Variants in GALNT1 observed in about 807,000 individuals in gnomAD.
GALNT1 encodes polypeptide N-acetylgalactosaminyltransferase 1.
In GALNT1, 17 loss-of-function variants were observed where a neutral mutation model predicts 65.7. The observed-to-expected ratio is 0.26, with a 90% CI of 0.18 to 0.39. The LOEUF (loss-of-function observed/expected upper bound fraction) is 0.39. Among genes scored for constraint, GALNT1 ranks in the 10% least tolerant of loss-of-function variants. The probability of loss-of-function intolerance (pLI) is 1.00; values close to 1 mark genes in which losing one functional copy is unlikely to be tolerated. For synonymous variants in GALNT1, 210 were observed against 219.7 expected, an observed-to-expected ratio of 0.96 and a Z score of 0.39; for missense variants, 460 against 672.8, an observed-to-expected ratio of 0.68 and a Z score of 3.50.
chr18:35,641,281 C>CA (rs1345313301), intron 1 of GALNT1, among the ~76,000 whole-genome samples: 7 of 151,432 alleles, frequency 4.6e-5, no homozygotes, highest in South Asian at 2.1e-4. Flanking sequence ...CCTCTCTTTG[C>CA]AAAAAAAATA....
At position 35,654,674 on chromosome 18, in the gene GALNT1, T is replaced by G. The variant is rs766763738; in HGVS notation, c.12T>G (p.Phe4Leu). The G allele has an allele frequency of 1.5e-5, 21 of 1,427,950 alleles. No individual in the cohort carries two copies. The highest frequency in any genetic ancestry group is 1.8e-5 in the Non-Finnish European group (20 of 1,085,410). 88.5% of individuals were successfully genotyped at this position (1,427,950 alleles called of 1,614,324 possible). The change falls in exon 2 of 12, where the codon TTT (phenylalanine) becomes TTG (leucine). Residue 4 changes from phenylalanine (F) to leucine (L), a missense_variant. Transcript: ENST00000269195. The stretch of plus-strand genomic sequence containing the variant: ...TGACTTAAAGTGCCATGAGAAAATT[T>G]GCATACTGCAAGGTGGTCCTAGCCA... Reference protein sequence around the residue: MRKFAYCKVVLATS... With the variant: MRKLAYCKVVLATS...
At chr18:35,651,761 C>G (rs900018137) in intron 1 of GALNT1, among the ~76,000 whole-genome samples, 1 of 152,132 alleles carries the variant, frequency 6.6e-6, no homozygotes, top group African/African-American at 2.4e-5. Context: ...GGTAGCAATT[C>G]TTTCATTAAA....
intron 3 of GALNT1, among the ~76,000 whole-genome samples, chr18:35,676,686 T>A (rs1296592279): frequency 6.6e-6 from 1 of 152,152 alleles, no homozygotes; most frequent in Admixed American, 6.5e-5. Context: ...GAGCAACTGT[T>A]AGAATCGGGG....
intron 9 of GALNT1, among the ~76,000 whole-genome samples, chr18:35,700,777 G>A (rs1461850032): frequency 1.3e-5 from 2 of 151,992 alleles, no homozygotes; most frequent in South Asian, 2.1e-4. Context: ...GAGCCACCAC[G>A]CCCCGCCAAG....
Position 35,607,523 on chromosome 18 carries a change from A to G in GALNT1, c.-104+25661A>G, listed in dbSNP as rs370228157. ...CATACAGAGGCTTAGTGTAAGAGTA[A>G]CTGAAGCAAGGAAGAGGTACTTCTG... is the stretch of plus-strand genomic sequence containing the variant. On this transcript the variant is annotated intron_variant, in intron 1 of 11. Coordinates refer to ENST00000269195, the MANE Select transcript of GALNT1 (RefSeq NM_020474.4). 1.4e-4 allele frequency among the ~76,000 whole-genome samples: 21 copies of G among 152,244 alleles called. No individual in the cohort carries two copies. In the South Asian group the frequency reaches 3.5e-3, roughly 26 times the overall value.
chr18:35,622,440 C>G (rs576537964), intron 1 of GALNT1, among the ~76,000 whole-genome samples: 1 of 152,068 alleles, frequency 6.6e-6, no homozygotes, highest in African/African-American at 2.4e-5. Context: ...TTTGTAGAGA[C>G]AGGGTCTCCC....
rs538512158 is a variant in GALNT1, at chr18:35,687,339, G to A, written c.860+153G>A. ...ACAGCCATCTTTCACATATGTGAGT[G>A]TTTTAAAGAAGGATTTCTCCTCTAA... is the stretch of plus-strand genomic sequence containing the variant. On this transcript the variant is annotated intron_variant, in intron 6 of 11. Coordinates refer to ENST00000269195, the MANE Select transcript of GALNT1 (RefSeq NM_020474.4). 1.1e-3 allele frequency among the ~76,000 whole-genome samples: 170 copies of A among 152,292 alleles called. 1 individual carries two copies. The highest frequency in any genetic ancestry group is 2.1e-3 in the Non-Finnish European group (146 of 68,022).
At chr18:35,606,823 G>GTT (rs1475331940) in intron 1 of GALNT1, among the ~76,000 whole-genome samples, 1 of 16,286 alleles carries the variant, frequency 6.1e-5, no homozygotes, top group Non-Finnish European at 1.4e-4. Context: ...TTGATGTTTT[G>GTT]TGTGTGTGTG....
intron 1 of GALNT1, among the ~76,000 whole-genome samples, chr18:35,637,747 C>T (rs2047109495): frequency 6.6e-6 from 1 of 152,162 alleles, no homozygotes; most frequent in African/African-American, 2.4e-5. Context: ...AAGAAGATGC[C>T]ATCTAAGACT....
In GALNT1 at chr18:35,691,106, C is replaced by T. The variant is rs777326059; in HGVS notation, c.1073C>T (p.Thr358Ile). 6.2e-7 allele frequency: 1 copy of T among 1,613,306 alleles called. No homozygotes were observed. The highest frequency in any genetic ancestry group is 8.5e-7 in the Non-Finnish European group (1 of 1,179,600). ...KATPYTFPGG[T>I]GQIINKNNRR... ...ACACCTTACACGTTTCCAGGAGGCACAGGGCAGATTATCAATAAAAATAAC... is the reference window on the plus strand; with the variant it reads ...ACACCTTACACGTTTCCAGGAGGCATAGGGCAGATTATCAATAAAAATAAC... The change falls in exon 8 of 12, where the codon ACA becomes ATA. Residue 358 changes from threonine to isoleucine, a missense_variant. By Grantham distance (89) the Thr-to-Ile change is moderately conservative (BLOSUM62 -1). Coordinates refer to ENST00000269195, the MANE Select transcript of GALNT1 (RefSeq NM_020474.4).
intron 9 of GALNT1, among the ~76,000 whole-genome samples, chr18:35,692,711 T>C (rs2047988392): frequency 6.6e-6 from 1 of 152,116 alleles, no homozygotes; most frequent in African/African-American, 2.4e-5. Context: ...ATAAGATGGC[T>C]TTTAGAAAAA....
At chr18:35,628,616 A>G (rs2046955076) in intron 1 of GALNT1, among the ~76,000 whole-genome samples, 2 of 152,218 alleles carry the variant, frequency 1.3e-5, no homozygotes, top group African/African-American at 2.4e-5. Flanking sequence ...AAATATGGGG[A>G]AAAAACAGAG....
chr18:35,641,904 TA>T (rs1015546321), intron 1 of GALNT1, among the ~76,000 whole-genome samples: 71 of 152,166 alleles, frequency 4.7e-4, no homozygotes, highest in Middle Eastern at 3.4e-3. Flanking sequence ...TTTAAGTGCT[TA>T]AAAAAAATAA....
At chr18:35,602,276 T>A (rs1156280247) in intron 1 of GALNT1, among the ~76,000 whole-genome samples, 1 of 152,228 alleles carries the variant, frequency 6.6e-6, no homozygotes, top group Non-Finnish European at 1.5e-5. Flanking sequence ...TTCTTTTTTC[T>A]TGCTGCTTTT....
At chr18:35,704,603 T>C (rs1281308279) in intron 11 of GALNT1, among the ~76,000 whole-genome samples, 1 of 149,684 alleles carries the variant, frequency 6.7e-6, no homozygotes, top group East Asian at 2.0e-4. Flanking sequence ...CCATCATATC[T>C]GGCCTGATAT....
At chr18:35,659,414 T>C (rs2047444923) in intron 2 of GALNT1, among the ~76,000 whole-genome samples, 1 of 152,234 alleles carries the variant, frequency 6.6e-6, no homozygotes, top group South Asian at 2.1e-4. Context: ...CTCTTAAGTC[T>C]ATACTTGTAT....
intron 6 of GALNT1, among the ~76,000 whole-genome samples, chr18:35,688,606 AT>A (rs1451148445): frequency 2.6e-5 from 4 of 152,090 alleles, no homozygotes; most frequent in African/African-American, 9.7e-5. Context: ...GAACATATTG[AT>A]TTTATTCTAT....
At chr18:35,624,467 C>T (rs2046891905) in intron 1 of GALNT1, among the ~76,000 whole-genome samples, 1 of 152,180 alleles carries the variant, frequency 6.6e-6, no homozygotes, top group East Asian at 1.9e-4. Context: ...TGGTGTATGT[C>T]TCGTAAATAG....
intron 1 of GALNT1, among the ~76,000 whole-genome samples, chr18:35,638,915 A>T (rs2047127202): frequency 6.6e-6 from 1 of 152,240 alleles, no homozygotes; most frequent in African/African-American, 2.4e-5. Flanking sequence ...GAGCCTGAAG[A>T]TATGGCTGAA....
Sources: allele counts gnomAD v4.1 joint callset (sites outside exome capture counted in the v4.1 genomes callset), GRCh38; gene constraint gnomAD v4.1.1; transcripts MANE v1.5; gene names NCBI Gene and HGNC (gene_info 2026-07-23, HGNC 2026-07-21).